MYRFL: variants seen among roughly 807,000 people sequenced by gnomAD.
MYRFL encodes myelin regulatory factor-like protein.
A neutral mutation model predicts 109.4 loss-of-function variants in MYRFL; 88 were observed. The ratio of observed to expected loss-of-function variants is 0.80; its 90% CI spans 0.68 to 0.96. The LOEUF is 0.96. MYRFL is among the 40% of genes least tolerant of loss of function. The pLI, the probability that MYRFL is intolerant of heterozygous loss-of-function variation, is 0.00. For missense variants in MYRFL, 957 were observed against 954.9 expected (o/e 1.00, Z -0.03); for synonymous variants, 324 against 320.9 (o/e 1.01, Z -0.10).
intron 1 of MYRFL, among the ~76,000 whole-genome samples, chr12:69,829,547 C>G (rs1882491433): frequency 6.6e-6 from 1 of 152,028 alleles, no homozygotes; most frequent in Admixed American, 6.6e-5. Flanking sequence ...ATATAGTAGG[C>G]ACTTACTGAT....
Position 69,871,447 on chromosome 12 carries a change from T to C in MYRFL, c.138-7581T>C, listed in dbSNP as rs145973443. Among the ~76,000 whole-genome samples, 287 of 152,242 alleles carry C rather than the reference T, an allele frequency of 1.9e-3. 3 individuals carry two copies. Among genetic ancestry groups the C allele is most frequent in the African/African-American group, 6.8e-3 (283 of 41,560 alleles). ...CAGGATTTCACCGTGTTAGCCGGGA[T>C]GGTCTTGATTTCTTGACCTCGTGAT... On this transcript the variant is annotated intron_variant, in intron 2 of 24. Coordinates refer to ENST00000552032, the MANE Select transcript of MYRFL (RefSeq NM_182530.3).
At chr12:69,873,275 C>T (rs983392218) in intron 2 of MYRFL, among the ~76,000 whole-genome samples, 37 of 152,090 alleles carry the variant, frequency 2.4e-4, no homozygotes, top group African/African-American at 8.2e-4. Flanking sequence ...AAAAAAATCT[C>T]ATAACGTTTT....
intron 1 of MYRFL, among the ~76,000 whole-genome samples, chr12:69,831,640 C>T (rs577651792): frequency 1.3e-5 from 2 of 152,268 alleles, no homozygotes; most frequent in Admixed American, 6.5e-5. Flanking sequence ...ATGCCTGGCA[C>T]AGAGAGACAG....
intron 19 of MYRFL, among the ~76,000 whole-genome samples, chr12:69,941,306 TA>T (rs1415801349): frequency 1.0e-5 from 1 of 99,820 alleles, no homozygotes; most frequent in Admixed American, 1.2e-4. Context: ...TCAGCAAATG[TA>T]AAAGAACACA....
At chr12:69,935,565 C>T (rs1387578407) in intron 16 of MYRFL, among the ~76,000 whole-genome samples, 1 of 152,200 alleles carries the variant, frequency 6.6e-6, no homozygotes, top group Non-Finnish European at 1.5e-5. Context: ...CAAATACTTT[C>T]TTGCAGTTCT....
At chr12:69,844,500 C>T (rs1159747523) in intron 1 of MYRFL, among the ~76,000 whole-genome samples, 1 of 152,174 alleles carries the variant, frequency 6.6e-6, no homozygotes, top group Non-Finnish European at 1.5e-5. Flanking sequence ...CTTCTGTTAG[C>T]AGTCGGCTTG....
intron 5 of MYRFL, among the ~76,000 whole-genome samples, chr12:69,881,891 A>G (rs2136333911): frequency 6.6e-6 from 1 of 152,264 alleles, no homozygotes; most frequent in South Asian, 2.1e-4. Flanking sequence ...AGCTTTTTTT[A>G]TGATTCTCAG....
chr12:69,904,638 A>G (rs532255429), intron 11 of MYRFL, among the ~76,000 whole-genome samples: 2 of 152,280 alleles, frequency 1.3e-5, no homozygotes, highest in South Asian at 2.1e-4. Flanking sequence ...TACAACTGCT[A>G]TGTAGACCAT....
At chr12:69,948,105 C>G (rs1470619732) in intron 19 of MYRFL, among the ~76,000 whole-genome samples, 1 of 152,130 alleles carries the variant, frequency 6.6e-6, no homozygotes. Flanking sequence ...AAAATGAGAT[C>G]AACCCTAGAA....
At chr12:69,910,607 A>T (rs1241605224) in intron 12 of MYRFL, among the ~76,000 whole-genome samples, 1 of 143,306 alleles carries the variant, frequency 7.0e-6, no homozygotes, top group Non-Finnish European at 1.5e-5. Context: ...TAAGGCACTT[A>T]CCTCCCCCCT....
intron 1 of MYRFL, among the ~76,000 whole-genome samples, chr12:69,852,754 C>T (rs1883961003): frequency 6.6e-6 from 1 of 151,718 alleles, no homozygotes; most frequent in Non-Finnish European, 1.5e-5. Context: ...GTGTTTGTGT[C>T]CCTGGGTACT....
At chr12:69,917,383 C>CTTT (rs56118035) in intron 13 of MYRFL, among the ~76,000 whole-genome samples, 2,261 of 102,364 alleles carry the variant, frequency 0.022, 173 homozygotes, top group East Asian at 0.038. Flanking sequence ...TATTCACTGA[C>CTTT]TTTTTTTTTT....
chr12:69,925,067 G>T (rs1406741700), intron 13 of MYRFL, among the ~76,000 whole-genome samples: 1 of 152,184 alleles, frequency 6.6e-6, no homozygotes, highest in African/African-American at 2.4e-5. Flanking sequence ...AAGGCAAATG[G>T]CCAGGTGATA....
Position 69,886,350 on chromosome 12 carries a change from G to A in MYRFL, c.557-470G>A, listed in dbSNP as rs562561934. 4.6e-5 allele frequency among the ~76,000 whole-genome samples: 7 copies of A among 152,244 alleles called. No homozygotes were observed. In the East Asian group the frequency reaches 9.7e-4, roughly 21 times the overall value. ...CAGCTGTTGGCGATGTATCTTGCAG[G>A]TTCAAACCTCATGGAGAAGAGTGAG... On this transcript the variant is annotated intron_variant, in intron 5 of 24. Transcript: ENST00000552032.
In MYRFL at chr12:69,877,023, C is replaced by CTTTCTTTCT. The variant is rs779815894; in HGVS notation, c.138-2002_138-2001insCTTTCTTTT. ...CAGGTCTTTCTTTCTTTCTTTCTTT[C>CTTTCTTTCT]TTTTTTTTTTTTTTTTTTGAGACGG... On this transcript the variant is annotated intron_variant, in intron 2 of 24. Coordinates refer to ENST00000552032, the MANE Select transcript of MYRFL (RefSeq NM_182530.3). Among the ~76,000 whole-genome samples, 17 of 128,922 alleles carry CTTTCTTTCT rather than the reference C, an allele frequency of 1.3e-4. 1 individual carries two copies. Among genetic ancestry groups the CTTTCTTTCT allele is most frequent in the Admixed American group, 2.4e-4 (3 of 12,638 alleles). The allele number at this position is 128,922 out of a possible 152,430, so 84.6% of individuals were successfully genotyped here.
chr12:69,958,113 C>A, intron 23 of MYRFL, 136 bp from the exon 24 acceptor site: 3 of 1,165,186 alleles, frequency 2.6e-6, no homozygotes, highest in Non-Finnish European at 3.6e-6. Context: ...TAGGACTGTT[C>A]TAGCAACACC....
Position 69,853,315 on chromosome 12 carries a change from G to A in MYRFL, c.47-1965G>A, listed in dbSNP as rs181316697. The stretch of plus-strand genomic sequence containing the variant: ...CGGGCAGAGACGCTCCTCACTTCCC[G>A]GACGGGGTGGCTGCTGGGCGGAGGG... On this transcript the variant is annotated intron_variant, in intron 1 of 24. Transcript: ENST00000552032. Among the ~76,000 whole-genome samples the A allele has an allele frequency of 7.3e-3, 995 of 136,878 alleles. 9 individuals carry two copies. Among genetic ancestry groups the A allele is most frequent in the African/African-American group, 0.025 (932 of 36,728 alleles). 89.8% of individuals were successfully genotyped at this position (136,878 alleles called of 152,430 possible). A position where few individuals can be genotyped will look rare whatever the true frequency, so the allele number is the denominator to read the frequency against.
intron 5 of MYRFL, among the ~76,000 whole-genome samples, chr12:69,882,981 C>T (rs1329144261): frequency 6.6e-6 from 1 of 152,188 alleles, no homozygotes; most frequent in Non-Finnish European, 1.5e-5. Flanking sequence ...TTTGACTTTA[C>T]CCATCTCTAA....
At chr12:69,925,614 T>G (rs1955051531) in intron 13 of MYRFL, among the ~76,000 whole-genome samples, 1 of 152,148 alleles carries the variant, frequency 6.6e-6, no homozygotes, top group African/African-American at 2.4e-5. Flanking sequence ...TGATAAGAGC[T>G]TTCCAGGCTT....
Sources: allele counts gnomAD v4.1 joint callset (sites outside exome capture counted in the v4.1 genomes callset), GRCh38; gene constraint gnomAD v4.1.1; transcripts MANE v1.5; gene names NCBI Gene and HGNC (gene_info 2026-07-23, HGNC 2026-07-21).